Variants in IL1RAPL1 observed in about 807,000 individuals in gnomAD.
The protein encoded by IL1RAPL1 is interleukin-1 receptor accessory protein-like 1.
In IL1RAPL1, 3 loss-of-function variants were observed where a neutral mutation model predicts 48.4. That is an observed-to-expected ratio of 0.06 (90% CI 0.03 to 0.16). The LOEUF is 0.16. Ranked by LOEUF, IL1RAPL1 falls within the 10% of genes least tolerant of loss-of-function variation. The pLI is 1.00. For synonymous variants in IL1RAPL1, 185 were observed against 187.7 expected, an observed-to-expected ratio of 0.99 and a Z score of 0.12; for missense variants, 349 against 530.6, an observed-to-expected ratio of 0.66 and a Z score of 3.36.
rs192733420 is a variant in IL1RAPL1, at chrX:28,958,388, G to T, written c.82+168963G>T. ...AACGCTGTACACATCTGATTATGAG[G>T]GTCTTTTCATTTCCTATGGGTGTGA... On this transcript the variant is annotated intron_variant, in intron 2 of 10. Coordinates refer to ENST00000378993, the MANE Select transcript of IL1RAPL1 (RefSeq NM_014271.4). 9.9e-5 allele frequency among the ~76,000 whole-genome samples: 11 copies of T among 111,333 alleles called. No individual in the cohort carries two copies. The Admixed American group carries it at 1.1e-3, about 11-fold the overall frequency.
intron 2 of IL1RAPL1, among the ~76,000 whole-genome samples, chrX:29,101,573 C>A (rs1444949621): frequency 9.0e-6 from 1 of 111,612 alleles, no homozygotes; most frequent in Non-Finnish European, 1.9e-5. Context: ...AGGCCAATAT[C>A]CCAGATAAAC....
At chrX:28,718,166 T>C (rs574129738) in intron 1 of IL1RAPL1, among the ~76,000 whole-genome samples, 2 of 111,654 alleles carry the variant, frequency 1.8e-5, no homozygotes, top group Admixed American at 9.6e-5. Context: ...ATCTACTATA[T>C]GCCTGGTATA....
At chrX:29,856,834 A>G (rs1244780099) in intron 6 of IL1RAPL1, among the ~76,000 whole-genome samples, 1 of 112,239 alleles carries the variant, frequency 8.9e-6, no homozygotes, top group Admixed American at 9.5e-5. Flanking sequence ...ATATATATGC[A>G]TAAGTGTATA....
chrX:28,931,142 G>A (rs1428310795), intron 2 of IL1RAPL1, among the ~76,000 whole-genome samples: 1 of 111,523 alleles, frequency 9.0e-6, no homozygotes, highest in Non-Finnish European at 1.9e-5. Flanking sequence ...GAAATGGCTT[G>A]CATTATTCTA....
At chrX:28,684,800 T>A (rs777085644) in intron 1 of IL1RAPL1, among the ~76,000 whole-genome samples, 1 of 112,086 alleles carries the variant, frequency 8.9e-6, no homozygotes, top group South Asian at 3.7e-4. Flanking sequence ...ATGTTTTTAA[T>A]TATTGAATGC....
At chrX:28,604,039 T>G (rs887455472) in intron 1 of IL1RAPL1, among the ~76,000 whole-genome samples, 1 of 112,384 alleles carries the variant, frequency 8.9e-6, no homozygotes, top group African/African-American at 3.2e-5. Flanking sequence ...AGTATGTTTT[T>G]AAGGTGAGCA....
intron 3 of IL1RAPL1, among the ~76,000 whole-genome samples, chrX:29,392,423 G>A (rs1933865526): frequency 8.9e-6 from 1 of 112,411 alleles, no homozygotes; most frequent in Non-Finnish European, 1.9e-5. Context: ...GGTGTCATAT[G>A]TTTATTAATG....
At position 29,836,703 on chromosome X, in the gene IL1RAPL1, C is replaced by T. The variant is rs186238598; in HGVS notation, c.779-80761C>T. Among the ~76,000 whole-genome samples the T allele has an allele frequency of 1.1e-3, 127 of 111,319 alleles. No homozygotes were observed. In the Middle Eastern group the frequency reaches 0.014, roughly 12 times the overall value. ...TAAAGCAAAAATATAATGATTTTGTCAGCACATTGATAGATTTTTTTTTCT... is the reference window on the plus strand; with the variant it reads ...TAAAGCAAAAATATAATGATTTTGTTAGCACATTGATAGATTTTTTTTTCT... On this transcript the variant is annotated intron_variant, in intron 6 of 10. Transcript: ENST00000378993.
intron 1 of IL1RAPL1, among the ~76,000 whole-genome samples, chrX:28,616,613 T>C (rs956041555): frequency 2.3e-4 from 25 of 110,962 alleles, no homozygotes; most frequent in Non-Finnish European, 4.5e-4. Flanking sequence ...TTTGTATTTT[T>C]AGTAGAGACG....
chrX:28,718,610 G>C (rs1935532760), intron 1 of IL1RAPL1, among the ~76,000 whole-genome samples: 1 of 111,587 alleles, frequency 9.0e-6, no homozygotes, highest in Non-Finnish European at 1.9e-5. Context: ...AAATGAAGCA[G>C]GTTCTGAAAT....
At chrX:29,419,169 G>A (rs757087421) in intron 5 of IL1RAPL1, among the ~76,000 whole-genome samples, 9 of 111,409 alleles carry the variant, frequency 8.1e-5, no homozygotes, top group Non-Finnish European at 1.5e-4. Flanking sequence ...TCTGGATGGC[G>A]GATGAAGGAC....
rs558866642 is a variant in IL1RAPL1, at chrX:28,741,948, A to G, written c.-24-47372A>G. Among the ~76,000 whole-genome samples, 9 of 111,017 alleles carry G rather than the reference A, an allele frequency of 8.1e-5. No homozygotes were observed. In the South Asian group the frequency reaches 3.4e-3, roughly 42 times the overall value. ...TATATTTTTACTTCTTAAGCAGGGG[A>G]TTTATATTTTTTGTTTCAAACTAGT... is the stretch of plus-strand genomic sequence containing the variant. On this transcript the variant is annotated intron_variant, in intron 1 of 10. Transcript: ENST00000378993.
chrX:29,769,773 T>G (rs1412616470), intron 6 of IL1RAPL1, among the ~76,000 whole-genome samples: 1 of 106,173 alleles, frequency 9.4e-6, no homozygotes, highest in Non-Finnish European at 1.9e-5. Flanking sequence ...CGGGCCACCA[T>G]GCCCAGCTAA....
At chrX:29,097,692 A>T (rs1429907713) in intron 2 of IL1RAPL1, among the ~76,000 whole-genome samples, 1 of 82,575 alleles carries the variant, frequency 1.2e-5, no homozygotes, top group Non-Finnish European at 2.9e-5. Flanking sequence ...GCAATCAACT[A>T]CACTGAAAAA....
chrX:28,789,863 A>G (rs1337433059), intron 2 of IL1RAPL1, among the ~76,000 whole-genome samples: 2 of 112,173 alleles, frequency 1.8e-5, no homozygotes, highest in Non-Finnish European at 3.8e-5. Context: ...GCTTGGAAGT[A>G]TATAAAGAAA....
chrX:29,398,267 A>T lies in IL1RAPL1; in HGVS notation c.550-888A>T, dbSNP rs778737918. 4.5e-5 allele frequency among the ~76,000 whole-genome samples: 5 copies of T among 112,329 alleles called. No homozygotes were observed. In the South Asian group the frequency reaches 1.8e-3, roughly 41 times the overall value. On this transcript the variant is annotated intron_variant, in intron 4 of 10. Transcript: ENST00000378993. ...TAACACGAAAATTGCCCCCAATTAC[A>T]CAAAGGCATTGAGCCACATAAAATA...
intron 1 of IL1RAPL1, among the ~76,000 whole-genome samples, chrX:28,615,217 T>TG (rs1934203564): frequency 1.1e-5 from 1 of 92,062 alleles, no homozygotes; most frequent in South Asian, 5.5e-4. Context: ...TTTTTTTTTT[T>TG]TTTTTTTTTT....
intron 3 of IL1RAPL1, among the ~76,000 whole-genome samples, chrX:29,335,203 G>C (rs1366456073): frequency 1.9e-5 from 2 of 104,170 alleles, no homozygotes; most frequent in African/African-American, 3.5e-5. Flanking sequence ...AGTGAGCCGA[G>C]ATGGCAGCAG....
intron 1 of IL1RAPL1, among the ~76,000 whole-genome samples, chrX:28,614,102 A>G (rs947829377): frequency 8.9e-5 from 10 of 112,140 alleles, no homozygotes; most frequent in Non-Finnish European, 1.9e-4. Context: ...TGTTTCTCCT[A>G]AACAATTACA....
Sources: gnomAD v4.1 joint callset for allele counts (sites outside exome capture counted in the v4.1 genomes callset) on GRCh38, gnomAD v4.1.1 for gene constraint, MANE v1.5 for transcripts, NCBI Gene and HGNC (gene_info 2026-07-23, HGNC 2026-07-21) for gene names.